The following RPS6KB2 variants were observed in gnomAD, a reference collection of about 807,000 sequenced individuals.
RPS6KB2 encodes ribosomal protein S6 kinase beta-2.
A neutral mutation model predicts 58.2 loss-of-function variants in RPS6KB2; 51 were observed. The ratio of observed to expected loss-of-function variants is 0.88; its 90% CI spans 0.70 to 1.11. The LOEUF is 1.11. Ranked by LOEUF, RPS6KB2 falls within the 50% of genes least tolerant of loss-of-function variation. The pLI, the probability that RPS6KB2 is intolerant of heterozygous loss-of-function variation, is 0.00. For missense variants in RPS6KB2, 671 were observed against 655.8 expected, an observed-to-expected ratio of 1.02 and a Z score of -0.25; for synonymous variants, 293 against 258.6, an observed-to-expected ratio of 1.13 and a Z score of -1.28.
At chr11:67,430,420 G>T (rs1329801907) in intron 4 of RPS6KB2, 1 of 152,150 alleles carries the variant, frequency 6.6e-6, no homozygotes, top group Non-Finnish European at 1.5e-5. Flanking sequence ...CTCCTGAGTA[G>T]CTGGGATTAC....
intron 4 of RPS6KB2, chr11:67,431,094 C>T (rs556091412): frequency 2.8e-5 from 6 of 212,270 alleles, no homozygotes; most frequent in Admixed American, 1.2e-4. Flanking sequence ...AGTGCAGTGG[C>T]GTGATCTCAG....
In RPS6KB2 at chr11:67,433,382, A is replaced by T. The variant is rs747678167; in HGVS notation, c.841A>T (p.Ile281Phe). 6.2e-6 allele frequency: 10 copies of T among 1,613,802 alleles called. No homozygotes were observed. The Admixed American group carries it at 1.5e-4, about 24-fold the overall frequency. ...AENRKKTMDK[I>F]IRGKLALPPY... ...GAACCGGAAGAAAACCATGGATAAG[A>T]TCATCAGGGGCAAGCTGGCACTGCC... Residue 281 changes from isoleucine (I) to phenylalanine (F), a missense_variant, in exon 10 of 15, where the codon ATC becomes TTC. Ile to Phe is a conservative substitution (Grantham distance 21). Coordinates refer to ENST00000312629, the MANE Select transcript of RPS6KB2 (RefSeq NM_003952.3).
At position 67,433,430 on chromosome 11, in the gene RPS6KB2, C is replaced by A; in HGVS notation, c.889C>A (p.Arg297=). 1 of 1,612,848 alleles carries A rather than the reference C, an allele frequency of 6.2e-7. No homozygotes were observed. The highest frequency in any genetic ancestry group is 8.5e-7 in the Non-Finnish European group (1 of 1,178,994). Residue 297 remains arginine (R), a synonymous_variant, in exon 10 of 15, where the codon CGG becomes AGG. Transcript: ENST00000312629. Reference sequence around the variant, plus strand: ...GCCCCCCTACCTCACCCCAGATGCCCGGGACCTTGTCAAAAAGGTGCAGCT... The same window carrying A: ...GCCCCCCTACCTCACCCCAGATGCCAGGGACCTTGTCAAAAAGGTGCAGCT... ...ALPPYLTPDA[R]DLVKKFLKRN...
At chr11:67,433,519 G>C in intron 10 of RPS6KB2, 72 bp downstream of exon 10, 3 of 1,256,510 alleles carry the variant, frequency 2.4e-6, no homozygotes, top group Admixed American at 1.7e-5. Context: ...TCTCTGGGCT[G>C]TGGGGAAGCC....
In RPS6KB2 at chr11:67,435,391, G is replaced by C. The variant is rs539679931; in HGVS notation, c.*222G>C. The C allele has an allele frequency of 6.5e-6, 4 of 616,076 alleles. No individual in the cohort carries two copies. Among genetic ancestry groups the C allele is most frequent in the South Asian group, 6.2e-5 (3 of 48,460 alleles). 38.2% of individuals were successfully genotyped at this position (616,076 alleles called of 1,614,324 possible). On this transcript the variant is annotated 3_prime_UTR_variant, in exon 15 of 15. Transcript: ENST00000312629. ...AACTGCTCCCGTGGAAGATTAAAGG[G>C]CTGAATCATGGTGCTGACCTGGCTC...
Position 67,431,479 on chromosome 11 carries a change from G to A in RPS6KB2, c.421G>A (p.Gly141Ser), listed in dbSNP as rs911400177. The A allele has an allele frequency of 1.2e-6, 2 of 1,614,032 alleles. No homozygotes were observed. The highest frequency in any genetic ancestry group is 2.7e-5 in the African/African-American group (2 of 74,916). ...GGAACTGGCCTATGCCTTCCAGACTGGTGGCAAACTCTACCTCATCCTTGA... is the reference window on the plus strand; with the variant it reads ...GGAACTGGCCTATGCCTTCCAGACTAGTGGCAAACTCTACCTCATCCTTGA... ...IVELAYAFQT[G>S]GKLYLILECL... is the part of the protein sequence containing the mutation. The change falls in exon 5 of 15, where the codon GGT (glycine) becomes AGT (serine). Residue 141 changes from glycine to serine, a missense_variant. By Grantham distance (56) the Gly-to-Ser change is moderately conservative (BLOSUM62 0). Coordinates refer to ENST00000312629, the MANE Select transcript of RPS6KB2 (RefSeq NM_003952.3).
In RPS6KB2 at chr11:67,433,196, TACG is replaced by T; in HGVS notation, c.781_783del (p.Asp261del). The T allele has an allele frequency of 6.2e-7, 1 of 1,606,198 alleles. No homozygotes were observed. The highest frequency in any genetic ancestry group is 1.3e-5 in the African/African-American group (1 of 74,902). Reference sequence around the variant, plus strand: ...CTGGTGGAGCCTGGGGGCCCTGATGTACGACATGCTCACTGGATCGGCAAGTCC... The same window carrying T: ...CTGGTGGAGCCTGGGGGCCCTGATGTACATGCTCACTGGATCGGCAAGTCC... On this transcript the variant is annotated inframe_deletion, in exon 9 of 15. Coordinates refer to ENST00000312629, the MANE Select transcript of RPS6KB2 (RefSeq NM_003952.3).
chr11:67,431,729 C>G lies in RPS6KB2; in HGVS notation c.457+214C>G. ...TGTCCAGCACCTACTGTGTCCCTCA[C>G]GTGTGTTGGGGGTGGATGGGCATGG... is the stretch of plus-strand genomic sequence containing the variant. On this transcript the variant is annotated intron_variant, in intron 5 of 14. Transcript: ENST00000312629. 3 of 539,806 alleles carry G rather than the reference C, an allele frequency of 5.6e-6. No individual in the cohort carries two copies. In the South Asian group the frequency reaches 6.6e-5, roughly 12 times the overall value. The allele number at this position is 539,806 out of a possible 1,614,324, so 33.4% of individuals were successfully genotyped here.
At position 67,433,962 on chromosome 11, in the gene RPS6KB2, C is replaced by T. The variant is rs779846635; in HGVS notation, c.907-33C>T. ...CCCGGGGACACATGAGCAGTACTTGCCCAGGCCCTCACCCTCTCTCCTGGT... is the reference window on the plus strand; with the variant it reads ...CCCGGGGACACATGAGCAGTACTTGTCCAGGCCCTCACCCTCTCTCCTGGT... On this transcript the variant is annotated intron_variant, in intron 10 of 14. Coordinates refer to ENST00000312629, the MANE Select transcript of RPS6KB2 (RefSeq NM_003952.3). 7 of 1,613,018 alleles carry T rather than the reference C, an allele frequency of 4.3e-6. No individual in the cohort carries two copies. The South Asian group carries it at 4.4e-5, about 10-fold the overall frequency.
chr11:67,431,972 T>TGCTG (rs1864036358), intron 5 of RPS6KB2: 1 of 274,594 alleles, frequency 3.6e-6, no homozygotes, highest in Non-Finnish European at 7.2e-6. Flanking sequence ...ACCTGCTTTC[T>TGCTG]AGTGTCTCCT....
chr11:67,434,921 C>T lies in RPS6KB2; in HGVS notation c.1269-68C>T. On this transcript the variant is annotated intron_variant, in intron 14 of 14. Transcript: ENST00000312629. ...GGGCAGGTGGGAAAGGCTGCCTTCC[C>T]TGACTGAGTGCTGGGAGCCTCTGGC... The T allele has an allele frequency of 4.1e-6, 6 of 1,472,022 alleles. No individual in the cohort carries two copies. The South Asian group carries it at 5.9e-5, about 14-fold the overall frequency. The allele number at this position is 1,472,022 out of a possible 1,614,324, so 91.2% of individuals were successfully genotyped here. A position where few individuals can be genotyped will look rare whatever the true frequency, so the allele number is the denominator to read the frequency against.
intron 1 of RPS6KB2, 79 bp downstream of exon 1, chr11:67,428,702 C>A (rs1472227925): frequency 7.3e-7 from 1 of 1,374,390 alleles, no homozygotes; most frequent in African/African-American, 1.5e-5. Context: ...CGGCTCCGCA[C>A]GCCCAGAGCG....
At position 67,435,182 on chromosome 11, in the gene RPS6KB2, G is replaced by T; in HGVS notation, c.*13G>T. 6.5e-7 allele frequency: 1 copy of T among 1,549,066 alleles called. No individual in the cohort carries two copies. The highest frequency in any genetic ancestry group is 8.7e-7 in the Non-Finnish European group (1 of 1,152,078). Reference sequence around the variant, plus strand: ...TCCAGGGCGCTAGGAAGCCGGGTGGGGGTGAGGGTAGCCCTTGAGCCCTGT... The same window carrying T: ...TCCAGGGCGCTAGGAAGCCGGGTGGTGGTGAGGGTAGCCCTTGAGCCCTGT... On this transcript the variant is annotated 3_prime_UTR_variant, in exon 15 of 15. Coordinates refer to ENST00000312629, the MANE Select transcript of RPS6KB2 (RefSeq NM_003952.3).
At chr11:67,433,921 C>G (rs1864139703) in intron 10 of RPS6KB2, 74 bp from the exon 11 acceptor site, 10 of 1,545,182 alleles carry the variant, frequency 6.5e-6, no homozygotes, top group Non-Finnish European at 8.0e-6. Context: ...GACCCCTACT[C>G]CAGCTAGCCC....
chr11:67,431,916 TG>T, intron 5 of RPS6KB2: 1 of 273,382 alleles, frequency 3.7e-6, no homozygotes, highest in East Asian at 9.8e-5. Context: ...AGGGGCCTGG[TG>T]GGGTGGCCAG....
rs1314670038 is a variant in RPS6KB2 at position 67,428,992 on chromosome 11, C to T, written c.89C>T (p.Pro30Leu). Residue 30 changes from proline to leucine, a missense_variant, in exon 2 of 15, where the codon CCC becomes CTC. Coordinates refer to ENST00000312629, the MANE Select transcript of RPS6KB2 (RefSeq NM_003952.3). ...EPELSPADAC[P>L]LAELRAAGLE... ...CTCGGTTTCTCACAGGACGCATGTCCCCTTGCCGAGTTGAGGGCAGCTGGC... is the reference window on the plus strand; with the variant it reads ...CTCGGTTTCTCACAGGACGCATGTCTCCTTGCCGAGTTGAGGGCAGCTGGC... The T allele has an allele frequency of 5.0e-6, 8 of 1,614,030 alleles. No individual in the cohort carries two copies. The highest frequency in any genetic ancestry group is 6.8e-6 in the Non-Finnish European group (8 of 1,180,014).
Position 67,434,598 on chromosome 11 carries a change from C to G in RPS6KB2, c.1172C>G (p.Ala391Gly). The change falls in exon 14 of 15, where the codon GCG becomes GGG. Residue 391 changes from alanine (A) to glycine (G), a missense_variant. Ala to Gly is a moderately conservative substitution (Grantham distance 60). Coordinates refer to ENST00000312629, the MANE Select transcript of RPS6KB2 (RefSeq NM_003952.3). The stretch of plus-strand genomic sequence containing the variant: ...GCCCCCCAGGGCTTCACATACGTGG[C>G]GCCGTCTGTCCTGGACAGCATCAAG... ...NQAFLGFTYV[A>G]PSVLDSIKEG... 1.2e-6 allele frequency: 2 copies of G among 1,605,788 alleles called. No individual in the cohort carries two copies. Among genetic ancestry groups the G allele is most frequent in the East Asian group, 4.5e-5 (2 of 44,720 alleles).
At position 67,434,791 on chromosome 11, in the gene RPS6KB2, G is replaced by A. The variant is rs535561055; in HGVS notation, c.1268+97G>A. 1.2e-4 allele frequency: 135 copies of A among 1,097,762 alleles called. 2 individuals are homozygous for A. The South Asian group carries it at 1.9e-3, about 15-fold the overall frequency. 68.0% of individuals were successfully genotyped at this position (1,097,762 alleles called of 1,614,324 possible). A position where few individuals can be genotyped will look rare whatever the true frequency, so the allele number is the denominator to read the frequency against. ...GTGCCTTGGCCACGTCTGTCGGCCA[G>A]TGTTGGCTTCGGTTGCTGTGTCTAT... On this transcript the variant is annotated intron_variant, in intron 14 of 14. Coordinates refer to ENST00000312629, the MANE Select transcript of RPS6KB2 (RefSeq NM_003952.3).
rs759623354 is a variant in RPS6KB2, at chr11:67,429,116, G to T, written c.120-4G>T. 1.1e-5 allele frequency: 17 copies of T among 1,613,870 alleles called. No homozygotes were observed. Among genetic ancestry groups the T allele is most frequent in the Non-Finnish European group, 1.4e-5 (17 of 1,180,038 alleles). On this transcript the variant is annotated splice_region_variant and splice_polypyrimidine_tract_variant and intron_variant, in intron 2 of 14. Transcript: ENST00000312629. The stretch of plus-strand genomic sequence containing the variant: ...TTGTCCTCATTAACTCCTTGTGTCC[G>T]TAGGCCTGTGGGACACTATGAAGAG...
Sources: gnomAD v4.1 joint callset for allele counts on GRCh38, gnomAD v4.1.1 for gene constraint, MANE v1.5 for transcripts, NCBI Gene and HGNC (gene_info 2026-07-23, HGNC 2026-07-21) for gene names.